Variants in CDH12 observed in about 807,000 individuals in gnomAD.
The protein encoded by CDH12 is cadherin-12.
CDH12 carries 41 observed loss-of-function variants against 74.1 expected under a neutral mutation model. The observed-to-expected ratio is 0.55, with a 90% CI of 0.43 to 0.72. The LOEUF is 0.72. Among genes scored for constraint, CDH12 ranks in the 30% least tolerant of loss-of-function variants. The pLI, the probability that CDH12 is intolerant of heterozygous loss-of-function variation, is 0.00. For missense variants in CDH12, 945 were observed against 977.2 expected, an observed-to-expected ratio of 0.97 and a Z score of 0.44; for synonymous variants, 399 against 355.0, an observed-to-expected ratio of 1.12 and a Z score of -1.39.
intron 1 of CDH12, among the ~76,000 whole-genome samples, chr5:22,706,605 T>C (rs899269264): frequency 9.9e-5 from 15 of 152,104 alleles, no homozygotes; most frequent in African/African-American, 3.4e-4. Context: ...TTAGAGAGTA[T>C]ATAATATTTA....
At chr5:22,808,412 T>G (rs1748929753) in intron 1 of CDH12, among the ~76,000 whole-genome samples, 1 of 152,152 alleles carries the variant, frequency 6.6e-6, no homozygotes, top group Non-Finnish European at 1.5e-5. Flanking sequence ...AGAGAAAATT[T>G]TAAATGCTTA....
In CDH12 at chr5:22,500,529, A is replaced by G. The variant is rs181629852; in HGVS notation, c.-428+4741T>C. On this transcript the variant is annotated intron_variant, in intron 2 of 14. Coordinates refer to ENST00000382254, the MANE Select transcript of CDH12 (RefSeq NM_004061.5). The stretch of plus-strand genomic sequence containing the variant: ...TTACTATGGCCCAGAAACATATCTT[A>G]TCACTTCCTCAATTTAATTTGATAT... 2.3e-3 allele frequency among the ~76,000 whole-genome samples: 348 copies of G among 152,278 alleles called. 2 individuals are homozygous for G. The highest frequency in any genetic ancestry group is 8.0e-3 in the African/African-American group (333 of 41,566).
chr5:21,802,648 G>A (rs1287728199), intron 9 of CDH12, among the ~76,000 whole-genome samples: 3 of 137,616 alleles, frequency 2.2e-5, no homozygotes, highest in Non-Finnish European at 4.6e-5. Flanking sequence ...CTGGAGCTCA[G>A]TGGTGTGATC....
chr5:22,638,898 A>G (rs1738978934), intron 1 of CDH12: 1 of 151,190 alleles, frequency 6.6e-6, no homozygotes, highest in Admixed American at 6.6e-5. Flanking sequence ...AAAATACAAA[A>G]AAATTAGCCG....
intron 2 of CDH12, among the ~76,000 whole-genome samples, chr5:22,454,876 A>G (rs60461828): frequency 0.32 from 49,107 of 151,940 alleles, 8,040 homozygotes; most frequent in African/African-American, 0.36. Flanking sequence ...TCCAAATACC[A>G]TTACTCCGGG....
intron 2 of CDH12, among the ~76,000 whole-genome samples, chr5:22,439,307 A>T (rs1744528787): frequency 1.3e-5 from 2 of 152,102 alleles, no homozygotes; most frequent in South Asian, 4.1e-4. Flanking sequence ...TGCTCTCTAC[A>T]TTTAAAAAAT....
chr5:22,641,682 G>A (rs967313710), intron 1 of CDH12, among the ~76,000 whole-genome samples: 2 of 152,122 alleles, frequency 1.3e-5, no homozygotes, highest in Admixed American at 6.5e-5. Flanking sequence ...GCTTCTGCTA[G>A]GGTGCTCTGC....
At chr5:22,751,682 C>T (rs966630483) in intron 1 of CDH12, among the ~76,000 whole-genome samples, 6 of 152,088 alleles carry the variant, frequency 3.9e-5, no homozygotes, top group South Asian at 4.1e-4. Flanking sequence ...AAAACTGTTG[C>T]CACGTGTTCA....
At chr5:22,229,740 G>T (rs2150374143) in intron 3 of CDH12, among the ~76,000 whole-genome samples, 1 of 152,058 alleles carries the variant, frequency 6.6e-6, no homozygotes, top group East Asian at 1.9e-4. Flanking sequence ...GCGTGTCCTT[G>T]TAGGGTATAC....
At chr5:22,254,979 T>C (rs1753263566) in intron 3 of CDH12, among the ~76,000 whole-genome samples, 1 of 151,856 alleles carries the variant, frequency 6.6e-6, no homozygotes, top group South Asian at 2.1e-4. Flanking sequence ...AAACACTGGA[T>C]CTAATTCCAT....
chr5:22,127,959 A>T (rs1745977315), intron 4 of CDH12, among the ~76,000 whole-genome samples: 1 of 151,904 alleles, frequency 6.6e-6, no homozygotes, highest in Non-Finnish European at 1.5e-5. Context: ...ATGACCTGGC[A>T]CCATTACTGT....
At chr5:22,390,522 C>T (rs1742196090) in intron 3 of CDH12, among the ~76,000 whole-genome samples, 1 of 151,644 alleles carries the variant, frequency 6.6e-6, no homozygotes, top group Non-Finnish European at 1.5e-5. Context: ...AATCTTTGTA[C>T]ATGTAATATT....
chr5:22,645,546 C>T (rs1438746825), intron 1 of CDH12, among the ~76,000 whole-genome samples: 2 of 151,964 alleles, frequency 1.3e-5, no homozygotes, highest in African/African-American at 4.8e-5. Context: ...AATCACAATA[C>T]AGGAGTTAGA....
intron 6 of CDH12, among the ~76,000 whole-genome samples, chr5:21,905,453 T>A (rs1268697086): frequency 6.6e-6 from 1 of 152,206 alleles, no homozygotes. Flanking sequence ...GTCTTTGCAG[T>A]TTGTCTTTTC....
intron 11 of CDH12, among the ~76,000 whole-genome samples, chr5:21,774,870 T>C (rs1281455493): frequency 2.0e-5 from 3 of 152,190 alleles, no homozygotes; most frequent in African/African-American, 7.2e-5. Flanking sequence ...TAAGTACATA[T>C]ATTCATGGTA....
At chr5:22,425,240 A>G (rs1743875006) in intron 2 of CDH12, among the ~76,000 whole-genome samples, 1 of 147,718 alleles carries the variant, frequency 6.8e-6, no homozygotes, top group Admixed American at 6.8e-5. Context: ...TGGCCTCATA[A>G]TTCATTTTTA....
intron 2 of CDH12, among the ~76,000 whole-genome samples, chr5:22,406,895 G>C (rs1742963239): frequency 6.6e-6 from 1 of 152,030 alleles, no homozygotes; most frequent in Admixed American, 6.6e-5. Context: ...TAAGCCTTGA[G>C]AAAATAAAGC....
chr5:22,279,809 C>G (rs942483942), intron 3 of CDH12, among the ~76,000 whole-genome samples: 4 of 152,096 alleles, frequency 2.6e-5, no homozygotes, highest in African/African-American at 9.7e-5. Flanking sequence ...CAAGTCTTTG[C>G]TATTGTGAGT....
At chr5:22,678,058 A>T (rs1741305433) in intron 1 of CDH12, among the ~76,000 whole-genome samples, 1 of 146,350 alleles carries the variant, frequency 6.8e-6, no homozygotes, top group Non-Finnish European at 1.5e-5. Flanking sequence ...GGGGGGGGTT[A>T]GGATTTTAAT....
Sources: allele counts gnomAD v4.1 joint callset (sites outside exome capture counted in the v4.1 genomes callset), GRCh38; gene constraint gnomAD v4.1.1; transcripts MANE v1.5; gene names NCBI Gene and HGNC (gene_info 2026-07-23, HGNC 2026-07-21).